The following RALGPS1 variants were observed in gnomAD, a reference collection of about 807,000 sequenced individuals.
The protein encoded by RALGPS1 is Ral GEF with PH domain and SH3 binding motif 1.
A neutral mutation model predicts 78.8 loss-of-function variants in RALGPS1; 19 were observed. That is an observed-to-expected ratio of 0.24 (90% confidence interval 0.17 to 0.35). RALGPS1 has a LOEUF of 0.35. RALGPS1 is among the 10% of genes least tolerant of loss of function. The pLI, the probability that RALGPS1 is intolerant of heterozygous loss-of-function variation, is 1.00. For missense variants in RALGPS1, 454 were observed against 688.3 expected (o/e 0.66, Z 3.81); for synonymous variants, 228 against 256.3 (o/e 0.89, Z 1.06).
chr9:126,948,138 T>C (rs958786457), intron 1 of RALGPS1, among the ~76,000 whole-genome samples: 10 of 152,166 alleles, frequency 6.6e-5, no homozygotes, highest in Non-Finnish European at 1.3e-4. Context: ...GGTAGGGGCT[T>C]TGGGGAGAGC....
Position 127,023,489 on chromosome 9 carries a change from TC to T in RALGPS1, c.217-10941del, listed in dbSNP as rs139706638. Among the ~76,000 whole-genome samples, 290 of 152,296 alleles carry T rather than the reference TC, an allele frequency of 1.9e-3. 2 individuals are homozygous for T. The highest frequency in any genetic ancestry group is 6.9e-3 in the African/African-American group (285 of 41,570). ...CTTGCTTCCTTGTTCTTTTTGTCTT[TC>T]TCTCCTTCCTGTTTTTCTTTCATGT... On this transcript the variant is annotated intron_variant, in intron 4 of 18. Coordinates refer to ENST00000259351, the MANE Select transcript of RALGPS1 (RefSeq NM_014636.3).
At chr9:126,947,918 A>G (rs1364916822) in intron 1 of RALGPS1, among the ~76,000 whole-genome samples, 1 of 152,216 alleles carries the variant, frequency 6.6e-6, no homozygotes, top group Non-Finnish European at 1.5e-5. Context: ...TGAATTTATC[A>G]TAGCTTTTTG....
intron 3 of RALGPS1, 100 bp downstream of exon 3, chr9:126,966,051 T>C (rs918284229): frequency 1.2e-6 from 1 of 837,574 alleles, no homozygotes; most frequent in Admixed American, 1.9e-5. Flanking sequence ...ACATTCTATA[T>C]GCCCAGCAAG....
At chr9:127,045,677 A>AT (rs2047685508) in intron 5 of RALGPS1, among the ~76,000 whole-genome samples, 2 of 152,120 alleles carry the variant, frequency 1.3e-5, no homozygotes, top group African/African-American at 4.8e-5. Flanking sequence ...TAATACAGAT[A>AT]TAGATGGTTA....
intron 1 of RALGPS1, among the ~76,000 whole-genome samples, chr9:126,933,651 C>T (rs1378148029): frequency 6.6e-6 from 1 of 152,138 alleles, no homozygotes; most frequent in Admixed American, 6.5e-5. Flanking sequence ...CACCTTCTCT[C>T]AGTGAAGGAG....
At chr9:126,950,880 C>A (rs1044382745) in intron 1 of RALGPS1, among the ~76,000 whole-genome samples, 4 of 151,030 alleles carry the variant, frequency 2.6e-5, no homozygotes, top group African/African-American at 9.7e-5. Flanking sequence ...AATCCAGGAG[C>A]TGGTTTTTTG....
intron 1 of RALGPS1, among the ~76,000 whole-genome samples, chr9:126,924,405 T>C (rs1401011512): frequency 1.3e-5 from 2 of 152,212 alleles, no homozygotes; most frequent in Non-Finnish European, 2.9e-5. Context: ...AGGGGGTTCT[T>C]AAGGACTAAG....
chr9:126,958,142 AAT>A (rs1554765218), intron 1 of RALGPS1, among the ~76,000 whole-genome samples: 12 of 77,106 alleles, frequency 1.6e-4, no homozygotes, highest in African/African-American at 2.0e-4. Flanking sequence ...AAAAAAAAAA[AAT>A]ATATATATAT....
In RALGPS1 at chr9:127,181,384, T is replaced by G. The variant is rs140125312; in HGVS notation, c.910+6602T>G. On this transcript the variant is annotated intron_variant, in intron 11 of 18. Transcript: ENST00000259351. ...TGAGGTGGGGCCAATGTCATCCCCA[T>G]TCTACAGGTGAAGATGCAGGTGCTC... Among the ~76,000 whole-genome samples, 19 of 152,346 alleles carry G rather than the reference T, an allele frequency of 1.2e-4. No homozygotes were observed. The East Asian group carries it at 3.7e-3, about 29-fold the overall frequency.
At chr9:127,088,981 T>C (rs2136322403) in intron 8 of RALGPS1, 2 of 1,614,162 alleles carry the variant, frequency 1.2e-6, no homozygotes, top group Non-Finnish European at 1.7e-6. Context: ...TCATCACCAC[T>C]TTCTTGAGTG....
At chr9:127,058,770 C>T (rs527241846) in intron 7 of RALGPS1, among the ~76,000 whole-genome samples, 26 of 152,214 alleles carry the variant, frequency 1.7e-4, no homozygotes, top group African/African-American at 3.1e-4. Flanking sequence ...GCCACGTGTG[C>T]GCATGTACAT....
chr9:127,192,773 G>T (rs1226832403), intron 11 of RALGPS1, among the ~76,000 whole-genome samples: 4 of 152,250 alleles, frequency 2.6e-5, no homozygotes. Flanking sequence ...CCAGCATGAG[G>T]GGTGTTAGAG....
At chr9:127,151,021 C>A in intron 8 of RALGPS1, among the ~76,000 whole-genome samples, 1 of 151,694 alleles carries the variant, frequency 6.6e-6, no homozygotes, top group East Asian at 1.9e-4. Flanking sequence ...GTCTTTACTA[C>A]AATACAAAAA....
chr9:127,117,207 C>T (rs938021802), intron 8 of RALGPS1, among the ~76,000 whole-genome samples: 5 of 152,330 alleles, frequency 3.3e-5, no homozygotes, highest in African/African-American at 1.2e-4. Flanking sequence ...GTGAGGTCTT[C>T]CCTCCCTCCT....
intron 1 of RALGPS1, among the ~76,000 whole-genome samples, chr9:126,953,994 C>T (rs1356103189): frequency 6.6e-6 from 1 of 152,154 alleles, no homozygotes; most frequent in African/African-American, 2.4e-5. Flanking sequence ...CCTTTGTTCC[C>T]CTGTGCATCC....
At chr9:126,941,529 CT>C (rs1259079132) in intron 1 of RALGPS1, among the ~76,000 whole-genome samples, 1 of 152,228 alleles carries the variant, frequency 6.6e-6, no homozygotes, top group Admixed American at 6.5e-5. Context: ...CTCTGCTTTA[CT>C]TTTTTCTTTA....
Position 127,091,570 on chromosome 9 carries a change from C to G in RALGPS1, c.610+22214C>G. ...GCAGCTTGGCCCAGCTGCTTCTCAC[C>G]CTGGGATCTTCCCGTTTCCAAGCCC... On this transcript the variant is annotated intron_variant, in intron 8 of 18. Coordinates refer to ENST00000259351, the MANE Select transcript of RALGPS1 (RefSeq NM_014636.3). This position sits in a 1 kb window ranked among gnomAD's most constrained non-coding sequence, Gnocchi z 4.3. The G allele has an allele frequency of 6.7e-7, 1 of 1,493,380 alleles. No homozygotes were observed. 92.5% of individuals were successfully genotyped at this position (1,493,380 alleles called of 1,614,324 possible).
At chr9:127,129,476 G>C (rs2056858773) in intron 8 of RALGPS1, among the ~76,000 whole-genome samples, 1 of 152,166 alleles carries the variant, frequency 6.6e-6, no homozygotes, top group African/African-American at 2.4e-5. Flanking sequence ...ACAGGTACCT[G>C]CTGAAATTCC....
intron 7 of RALGPS1, among the ~76,000 whole-genome samples, chr9:127,058,383 A>C (rs771527687): frequency 6.6e-6 from 1 of 152,156 alleles, no homozygotes; most frequent in African/African-American, 2.4e-5. Flanking sequence ...TACTGTGTGG[A>C]AAACAAACTG....
Sources: gnomAD v4.1 joint callset for allele counts (sites outside exome capture counted in the v4.1 genomes callset) on GRCh38, gnomAD v4.1.1 for gene constraint, Gnocchi (gnomAD v3.1) non-coding constraint, MANE v1.5 for transcripts, NCBI Gene and HGNC (gene_info 2026-07-23, HGNC 2026-07-21) for gene names.